The following IWS1 variants were observed in gnomAD, a reference collection of about 807,000 sequenced individuals.
IWS1 encodes interacts with SUPT6H, CTD assembly factor 1.
Under a neutral mutation model 86.7 loss-of-function variants are expected in IWS1, and 27 were observed. The ratio of observed to expected loss-of-function variants is 0.31; its 90% confidence interval spans 0.23 to 0.43. The LOEUF is 0.43. Ranked by LOEUF, IWS1 falls within the 20% of genes least tolerant of loss-of-function variation. The pLI, the probability that IWS1 is intolerant of heterozygous loss-of-function variation, is 1.00. For missense variants in IWS1, 827 were observed against 1,000.8 expected (o/e 0.83, Z 2.34); for synonymous variants, 313 against 335.1 (o/e 0.93, Z 0.72).
intron 2 of IWS1, among the ~76,000 whole-genome samples, chr2:127,507,479 T>G (rs1691206839): frequency 6.6e-6 from 1 of 152,192 alleles, no homozygotes; most frequent in African/African-American, 2.4e-5. Context: ...CAGTACTGTA[T>G]TAGATTCCTT....
chr2:127,481,443 G>T (rs928638238), intron 13 of IWS1, among the ~76,000 whole-genome samples: 13 of 148,434 alleles, frequency 8.8e-5, no homozygotes, highest in African/African-American at 3.3e-4. Flanking sequence ...ATGGGAGAAA[G>T]GGGGGGGGAA....
chr2:127,505,800 AC>A lies in IWS1; in HGVS notation c.151-49del. ...ATTAGGAAAGTGCAAAAAAAAAAAA[AC>A]CATTAATAATAAAACATTAAATTTT... On this transcript the variant is annotated intron_variant, in intron 2 of 13. Coordinates refer to ENST00000295321, the MANE Select transcript of IWS1 (RefSeq NM_017969.3). The surrounding 1 kb of genome is among the most constrained non-coding windows in gnomAD (Gnocchi z 5.0). The A allele has an allele frequency of 8.7e-7, 1 of 1,155,674 alleles. No homozygotes were observed. Among genetic ancestry groups the A allele is most frequent in the Non-Finnish European group, 1.2e-6 (1 of 827,030 alleles). The allele number at this position is 1,155,674 out of a possible 1,614,324, so 71.6% of individuals were successfully genotyped here.
At chr2:127,492,684 A>G (rs1480876196) in intron 9 of IWS1, 3 of 152,928 alleles carry the variant, frequency 2.0e-5, no homozygotes, top group Non-Finnish European at 4.4e-5. Flanking sequence ...CAGGCCTCAG[A>G]ATCCAATAGA....
chr2:127,511,653 ATG>A (rs576235474), intron 2 of IWS1, among the ~76,000 whole-genome samples: 179 of 152,360 alleles, frequency 1.2e-3, no homozygotes, highest in Non-Finnish European at 2.2e-3. Context: ...TTCTGTAAAA[ATG>A]TATCTTTTAC....
chr2:127,497,806 G>A (rs1038897935), intron 6 of IWS1, among the ~76,000 whole-genome samples: 4 of 152,162 alleles, frequency 2.6e-5, no homozygotes, highest in African/African-American at 9.7e-5. Context: ...TAAGATGTTA[G>A]ACTATTTCCC....
At chr2:127,519,870 T>C (rs1016307673) in intron 2 of IWS1, among the ~76,000 whole-genome samples, 8 of 151,768 alleles carry the variant, frequency 5.3e-5, no homozygotes, top group Non-Finnish European at 5.9e-5. Context: ...AGAAAATGAG[T>C]TGTGAAGATG....
chr2:127,499,356 C>T lies in IWS1; in HGVS notation c.1468-1119G>A, dbSNP rs550164298. ...CCGCCCACCTCGGCCTCCCAAAGTG[C>T]TGGGATTACAGGCGTGAGCCACCGC... On this transcript the variant is annotated intron_variant, in intron 5 of 13. Transcript: ENST00000295321. This position sits in a 1 kb window ranked among gnomAD's most constrained non-coding sequence, Gnocchi z 4.0. Among the ~76,000 whole-genome samples the T allele has an allele frequency of 1.3e-5, 2 of 152,314 alleles. No individual in the cohort carries two copies. Among genetic ancestry groups the T allele is most frequent in the South Asian group, 2.1e-4 (1 of 4,832 alleles).
At chr2:127,498,000 A>T (rs972954501) in intron 6 of IWS1, 140 bp downstream of exon 6, 1 of 602,210 alleles carries the variant, frequency 1.7e-6, no homozygotes, top group South Asian at 2.3e-5. Flanking sequence ...TTCACTGACA[A>T]CACCGTAAAT....
chr2:127,495,990 C>A lies in IWS1; in HGVS notation c.1716+8G>T. ...AAAAAAGGTGAACCTAGAAGCGACC[C>A]AGCTCACCTCAGCAGCTTCATTCAT... On this transcript the variant is annotated splice_region_variant and intron_variant, in intron 7 of 13. Coordinates refer to ENST00000295321, the MANE Select transcript of IWS1 (RefSeq NM_017969.3). The A allele has an allele frequency of 6.2e-7, 1 of 1,604,030 alleles. No individual in the cohort carries two copies. The highest frequency in any genetic ancestry group is 1.7e-4 in the Middle Eastern group (1 of 6,034).
chr2:127,486,525 C>T (rs1440510985), intron 13 of IWS1, 28 bp downstream of exon 13: 1 of 1,475,994 alleles, frequency 6.8e-7, no homozygotes, highest in South Asian at 1.1e-5. Flanking sequence ...CAGGTGAGAT[C>T]CACCTTGCCG....
chr2:127,516,714 T>C (rs1333218163), intron 2 of IWS1, among the ~76,000 whole-genome samples: 1 of 152,184 alleles, frequency 6.6e-6, no homozygotes, highest in Non-Finnish European at 1.5e-5. Context: ...TGAGCCATAA[T>C]TTTTTCACAT....
At chr2:127,516,881 C>A (rs953921143) in intron 2 of IWS1, among the ~76,000 whole-genome samples, 6 of 147,924 alleles carry the variant, frequency 4.1e-5, no homozygotes, top group African/African-American at 1.5e-4. Flanking sequence ...GTGCTAGGCC[C>A]TAAAACAAAC....
intron 2 of IWS1, among the ~76,000 whole-genome samples, chr2:127,506,271 G>T (rs1691144030): frequency 6.6e-6 from 1 of 152,124 alleles, no homozygotes; most frequent in Non-Finnish European, 1.5e-5. Flanking sequence ...GGGAGGCTGA[G>T]GCAGGAGAAT....
intron 2 of IWS1, among the ~76,000 whole-genome samples, chr2:127,507,301 T>C (rs1691197432): frequency 6.6e-6 from 1 of 152,220 alleles, no homozygotes. Context: ...AAGCCAATGT[T>C]TGAAGAGTTT....
chr2:127,513,347 G>A (rs186397125), intron 2 of IWS1, among the ~76,000 whole-genome samples: 1 of 152,356 alleles, frequency 6.6e-6, no homozygotes, highest in East Asian at 1.9e-4. Context: ...GGCTGCACAT[G>A]AGGTACGGGG....
chr2:127,489,888 TC>T lies in IWS1; in HGVS notation c.2102del (p.Arg701LysfsTer9). The T allele has an allele frequency of 6.2e-7, 1 of 1,613,264 alleles. No homozygotes were observed. The highest frequency in any genetic ancestry group is 8.5e-7 in the Non-Finnish European group (1 of 1,179,192). ...GLTSNYKGMTREEREQRDLEQ... is the reference protein window; with the variant it reads ...GLTSNYKGMTXEEREQRDLEQ... ...CTAGATCTCTCTGCTCCCTTTCTTC[TC>T]TTGTCATTCCTTTGTAGTTTGAGGT... On this transcript the variant is annotated frameshift_variant, in exon 11 of 14. Coordinates refer to ENST00000295321, the MANE Select transcript of IWS1 (RefSeq NM_017969.3). LOFTEE classifies it high-confidence loss of function. This position sits in a 1 kb window ranked among gnomAD's most constrained non-coding sequence, Gnocchi z 4.8.
intron 2 of IWS1, among the ~76,000 whole-genome samples, chr2:127,521,000 C>T (rs1371912365): frequency 6.6e-6 from 1 of 152,244 alleles, no homozygotes; most frequent in Non-Finnish European, 1.5e-5. Flanking sequence ...TGGCTCACAC[C>T]TGTAATTCCA....
chr2:127,482,423 A>G (rs542044444), intron 13 of IWS1: 2 of 152,348 alleles, frequency 1.3e-5, no homozygotes, highest in South Asian at 4.1e-4. Context: ...ACTCTGAGTA[A>G]GCATAAAAAG....
intron 9 of IWS1, chr2:127,492,650 A>AGC (rs1690292462): frequency 6.5e-6 from 1 of 153,478 alleles, no homozygotes; most frequent in Non-Finnish European, 1.4e-5. Context: ...CTCAGAGGTT[A>AGC]GCAGTTTAAT....
Sources: gnomAD v4.1 joint callset for allele counts (sites outside exome capture counted in the v4.1 genomes callset) on GRCh38, gnomAD v4.1.1 for gene constraint, Gnocchi (gnomAD v3.1) non-coding constraint, MANE v1.5 for transcripts, NCBI Gene and HGNC (gene_info 2026-07-23, HGNC 2026-07-21) for gene names.